Variants in STPG2 observed in about 807,000 individuals in gnomAD.
STPG2 encodes the protein sperm tail PG-rich repeat containing 2, also known as sperm-tail PG-rich repeat-containing protein 2.
A neutral mutation model predicts 54.2 loss-of-function variants in STPG2; 56 were observed. The observed-to-expected ratio is 1.03, with a 90% CI of 0.83 to 1.29. The LOEUF is 1.29. Among genes scored for constraint, STPG2 ranks in the 50% most tolerant of loss-of-function variants. The probability of loss-of-function intolerance (pLI) is 0.00; values close to 1 mark genes in which losing one functional copy is unlikely to be tolerated. For synonymous variants in STPG2, 200 were observed against 181.8 expected (o/e 1.10, Z -0.81); for missense variants, 596 against 544.9 (o/e 1.09, Z -0.93).
intron 6 of STPG2, among the ~76,000 whole-genome samples, chr4:97,978,496 A>T (rs1159608610): frequency 5.3e-5 from 8 of 152,070 alleles, no homozygotes; most frequent in Non-Finnish European, 1.2e-4. Flanking sequence ...ACCACAGACA[A>T]TGGGGCCTAC....
At chr4:97,970,147 C>A (rs193089219) in intron 7 of STPG2, among the ~76,000 whole-genome samples, 2 of 151,934 alleles carry the variant, frequency 1.3e-5, no homozygotes, top group Admixed American at 1.3e-4. Flanking sequence ...CACTGCTCAA[C>A]GAAATAAAAG....
intron 3 of STPG2, among the ~76,000 whole-genome samples, chr4:98,123,301 T>G (rs1416734672): frequency 6.6e-6 from 1 of 151,898 alleles, no homozygotes; most frequent in South Asian, 2.1e-4. Context: ...TTTGAGATCT[T>G]TCTAGCTTTT....
At chr4:98,038,732 G>T (rs1010622562) in intron 5 of STPG2, among the ~76,000 whole-genome samples, 3 of 151,842 alleles carry the variant, frequency 2.0e-5, no homozygotes, top group African/African-American at 7.3e-5. Context: ...TGTAGAGAAA[G>T]TCCATGAACA....
intron 7 of STPG2, among the ~76,000 whole-genome samples, chr4:97,964,230 G>A (rs1429603410): frequency 3.9e-5 from 6 of 152,112 alleles, no homozygotes; most frequent in Admixed American, 1.3e-4. Flanking sequence ...AGTCTTACTG[G>A]GGACAAGGCA....
At chr4:97,891,939 T>C (rs570753597) in intron 8 of STPG2, among the ~76,000 whole-genome samples, 10 of 152,176 alleles carry the variant, frequency 6.6e-5, no homozygotes, top group Admixed American at 5.2e-4. Context: ...CAATCCCCCA[T>C]TGCTGGCTAT....
At chr4:97,872,863 T>C (rs1291424516) in intron 8 of STPG2, among the ~76,000 whole-genome samples, 1 of 151,324 alleles carries the variant, frequency 6.6e-6, no homozygotes, top group Admixed American at 6.6e-5. Context: ...TCTTGTGTCC[T>C]TTTGTCATAT....
chr4:98,139,637 G>A (rs1257666428), intron 1 of STPG2, among the ~76,000 whole-genome samples: 1 of 148,448 alleles, frequency 6.7e-6, no homozygotes, highest in African/African-American at 2.5e-5. Flanking sequence ...AGAGATACCT[G>A]TTCCTTCTAT....
rs28403003 is a variant in STPG2 at position 98,106,008 on chromosome 4, T to C, written c.557A>G (p.Tyr186Cys). The change falls in exon 5 of 11, where the codon TAT becomes TGT. Residue 186 changes from tyrosine (Y) to cysteine (C), a missense_variant. By Grantham distance (194) the Tyr-to-Cys change is radical (BLOSUM62 -2). Coordinates refer to ENST00000295268, the MANE Select transcript of STPG2 (RefSeq NM_174952.3). ...VNIKRDQQQN[Y>C]CSFIPRLYEI... is the part of the protein sequence containing the mutation. ...ATATAGTCGTGGGATAAATGAACAATAATTTTGTTGTTGATCTCTCTTGAT... is the reference window on the plus strand; with the variant it reads ...ATATAGTCGTGGGATAAATGAACAACAATTTTGTTGTTGATCTCTCTTGAT... The C allele has an allele frequency of 0.051, 77,972 of 1,514,170 alleles. 2,931 individuals carry two copies. The highest frequency in any genetic ancestry group is 0.091 in the African/African-American group (6,563 of 72,304). The allele number at this position is 1,514,170 out of a possible 1,614,324, so 93.8% of individuals were successfully genotyped here. A position where few individuals can be genotyped will look rare whatever the true frequency, so the allele number is the denominator to read the frequency against.
intron 9 of STPG2, among the ~76,000 whole-genome samples, chr4:97,757,977 G>T (rs1011425002): frequency 2.0e-5 from 3 of 152,102 alleles, no homozygotes; most frequent in African/African-American, 7.2e-5. Context: ...GAGATAAATT[G>T]TAGAATACTA....
At position 97,920,034 on chromosome 4, in the gene STPG2, G is replaced by A. The variant is rs555182783; in HGVS notation, c.1044+23863C>T. 4.0e-4 allele frequency among the ~76,000 whole-genome samples: 61 copies of A among 152,280 alleles called. No homozygotes were observed. The South Asian group carries it at 0.012, about 31-fold the overall frequency. On this transcript the variant is annotated intron_variant, in intron 8 of 10. Coordinates refer to ENST00000295268, the MANE Select transcript of STPG2 (RefSeq NM_174952.3). ...GACTCATGTCCATAGAATTTACTAG[G>A]TCTAACACATCTTCATCAGTTAAAA...
At chr4:97,707,502 C>A (rs1327769115) in intron 10 of STPG2, among the ~76,000 whole-genome samples, 4 of 151,878 alleles carry the variant, frequency 2.6e-5, no homozygotes, top group African/African-American at 9.7e-5. Flanking sequence ...ACCTGGGCAA[C>A]AGAGTGAGAC....
At chr4:97,719,800 C>T (rs1366053512) in intron 9 of STPG2, among the ~76,000 whole-genome samples, 1 of 151,824 alleles carries the variant, frequency 6.6e-6, no homozygotes, top group Non-Finnish European at 1.5e-5. Flanking sequence ...ATTTTCTTGT[C>T]ATTTTACTTT....
At chr4:97,732,238 T>C (rs1724823362) in intron 9 of STPG2, among the ~76,000 whole-genome samples, 1 of 152,196 alleles carries the variant, frequency 6.6e-6, no homozygotes, top group Non-Finnish European at 1.5e-5. Flanking sequence ...CTCCATCTCC[T>C]CTCTGGGAAG....
chr4:97,931,768 G>A (rs1732556087), intron 8 of STPG2, among the ~76,000 whole-genome samples: 1 of 151,998 alleles, frequency 6.6e-6, no homozygotes, highest in African/African-American at 2.4e-5. Context: ...ACTGAGTTAG[G>A]AAGTAGTCCC....
intron 8 of STPG2, among the ~76,000 whole-genome samples, chr4:97,920,513 G>A (rs954212020): frequency 2.0e-5 from 3 of 152,156 alleles, no homozygotes; most frequent in Admixed American, 6.5e-5. Flanking sequence ...GTTACGTAGT[G>A]AGGGCAGGTG....
At chr4:97,856,299 T>C (rs548012564) in intron 8 of STPG2, among the ~76,000 whole-genome samples, 3 of 152,338 alleles carry the variant, frequency 2.0e-5, no homozygotes, top group African/African-American at 4.8e-5. Context: ...TCCATGAGCA[T>C]AGAATGTTTT....
intron 8 of STPG2, among the ~76,000 whole-genome samples, chr4:97,854,876 A>G (rs1186373970): frequency 6.6e-6 from 1 of 152,078 alleles, no homozygotes; most frequent in East Asian, 1.9e-4. Flanking sequence ...TCCATTAGCT[A>G]TTCTTCCTGA....
intron 4 of STPG2, among the ~76,000 whole-genome samples, chr4:97,472,479 G>A (rs1042185931): frequency 1.3e-5 from 2 of 152,170 alleles, no homozygotes; most frequent in African/African-American, 4.8e-5. Context: ...TTCTTAGCAA[G>A]GCCTGCTCTC....
At chr4:97,729,539 G>A (rs1251770528) in intron 9 of STPG2, among the ~76,000 whole-genome samples, 1 of 152,138 alleles carries the variant, frequency 6.6e-6, no homozygotes, top group Non-Finnish European at 1.5e-5. Context: ...ATGTCTCTTT[G>A]ATAATGCTGT....
Sources: gnomAD v4.1 joint callset for allele counts (sites outside exome capture counted in the v4.1 genomes callset) on GRCh38, gnomAD v4.1.1 for gene constraint, MANE v1.5 for transcripts, NCBI Gene and HGNC (gene_info 2026-07-23, HGNC 2026-07-21) for gene names.